The following VAMP4 variants were observed in gnomAD, a reference collection of about 807,000 sequenced individuals.
VAMP4 encodes the protein vesicle-associated membrane protein 4.
VAMP4 carries 19 observed loss-of-function variants against 23.5 expected under a neutral mutation model. The ratio of observed to expected loss-of-function variants is 0.81; its 90% CI spans 0.56 to 1.19. VAMP4 has a LOEUF of 1.19. VAMP4 is among the 50% of genes most tolerant of loss of function. VAMP4 has a pLI of 0.00. For missense variants in VAMP4, 145 were observed against 168.6 expected (o/e 0.86, Z 0.78); for synonymous variants, 31 against 51.0 (o/e 0.61, Z 1.67).
chr1:171,723,728 A>G (rs965120538), intron 3 of VAMP4, among the ~76,000 whole-genome samples: 2 of 152,210 alleles, frequency 1.3e-5, no homozygotes, highest in Non-Finnish European at 2.9e-5. Flanking sequence ...ATACATCCTC[A>G]GCTTACGAAG....
intron 4 of VAMP4, among the ~76,000 whole-genome samples, chr1:171,711,463 T>A: frequency 6.6e-6 from 1 of 151,918 alleles, no homozygotes; most frequent in East Asian, 1.9e-4. Flanking sequence ...AAGGAAAAAA[T>A]TGTTTTCTGT....
intron 3 of VAMP4, among the ~76,000 whole-genome samples, chr1:171,720,949 A>C (rs866803145): frequency 1.3e-5 from 2 of 152,142 alleles, no homozygotes; most frequent in Non-Finnish European, 2.9e-5. Flanking sequence ...ACAATGTTTT[A>C]AAAGAATAAT....
At chr1:171,714,629 G>A (rs945345502) in intron 4 of VAMP4, among the ~76,000 whole-genome samples, 13 of 152,094 alleles carry the variant, frequency 8.5e-5, no homozygotes, top group African/African-American at 2.9e-4. Context: ...AAAATTAGCC[G>A]AGCATGGTGG....
At chr1:171,711,318 A>T (rs1314423362) in intron 4 of VAMP4, among the ~76,000 whole-genome samples, 1 of 152,100 alleles carries the variant, frequency 6.6e-6, no homozygotes, top group African/African-American at 2.4e-5. Context: ...CCAAAATGGA[A>T]ATGTAGGGCA....
chr1:171,707,856 T>TA (rs918311968), intron 6 of VAMP4, among the ~76,000 whole-genome samples: 8 of 151,044 alleles, frequency 5.3e-5, no homozygotes, highest in Non-Finnish European at 7.4e-5. Flanking sequence ...TAGCAATGGT[T>TA]AAAAAAAAAG....
intron 5 of VAMP4, among the ~76,000 whole-genome samples, chr1:171,710,281 G>A (rs1214708185): frequency 6.6e-6 from 1 of 151,604 alleles, no homozygotes; most frequent in African/African-American, 2.4e-5. Flanking sequence ...CCAGGTATAG[G>A]TATAGGTATA....
rs1386179245 is a variant in VAMP4 at position 171,738,509 on chromosome 1, A to C, written c.-49-46T>G. The C allele has an allele frequency of 4.8e-6, 6 of 1,248,898 alleles. No individual in the cohort carries two copies. The Admixed American group carries it at 1.2e-4, about 25-fold the overall frequency. 77.4% of individuals were successfully genotyped at this position (1,248,898 alleles called of 1,614,324 possible). The stretch of plus-strand genomic sequence containing the variant: ...CATCAGATTTGAGACTTTGGGGCAT[A>C]AGCTAATGTACTTAAAACAGTGTAC... On this transcript the variant is annotated intron_variant, in intron 1 of 7. Transcript: ENST00000236192.
rs1391216720 is a variant in VAMP4, at chr1:171,703,423, GTGTA to G, written c.*1079_*1082del. 4.2e-3 allele frequency: 342 copies of G among 81,902 alleles called. 1 individual carries two copies. Among genetic ancestry groups the G allele is most frequent in the East Asian group, 0.028 (73 of 2,650 alleles). The allele number at this position is 81,902 out of a possible 1,614,324, so 5.1% of individuals were successfully genotyped here. A position where few individuals can be genotyped will look rare whatever the true frequency, so the allele number is the denominator to read the frequency against. Reference sequence around the variant, plus strand: ...TGTGTGTGTGTGTGTGTGTGTTTGTGTGTATATATATATATATATATATATATAT... The same window carrying G: ...TGTGTGTGTGTGTGTGTGTGTTTGTGTATATATATATATATATATATATAT... On this transcript the variant is annotated 3_prime_UTR_variant, in exon 8 of 8. Transcript: ENST00000236192.
intron 4 of VAMP4, among the ~76,000 whole-genome samples, chr1:171,714,644 C>A (rs903539889): frequency 1.3e-5 from 2 of 152,110 alleles, no homozygotes; most frequent in African/African-American, 4.8e-5. Context: ...TGGTGGTGTG[C>A]ACCTGTAGTC....
rs1654546579 is a variant in VAMP4 at position 171,703,590 on chromosome 1, T to C, written c.*916A>G. On this transcript the variant is annotated 3_prime_UTR_variant, in exon 8 of 8. Coordinates refer to ENST00000236192, the MANE Select transcript of VAMP4 (RefSeq NM_003762.5). The stretch of plus-strand genomic sequence containing the variant: ...AAAGATATAAAATTCAAAGTATTAA[T>C]AGATGGTTTTGCTACTTTTTGTACT... 1 of 151,582 alleles carries C rather than the reference T, an allele frequency of 6.6e-6. No individual in the cohort carries two copies. The highest frequency in any genetic ancestry group is 2.1e-4 in the South Asian group (1 of 4,802). 9.4% of individuals were successfully genotyped at this position (151,582 alleles called of 1,614,324 possible).
intron 3 of VAMP4, among the ~76,000 whole-genome samples, chr1:171,724,628 TTAAGA>T (rs1655308439): frequency 6.6e-6 from 1 of 152,156 alleles, no homozygotes. Flanking sequence ...CCAAATATTG[TTAAGA>T]TGTTAATTAT....
chr1:171,732,608 G>C (rs1655600380), intron 2 of VAMP4, among the ~76,000 whole-genome samples: 1 of 152,048 alleles, frequency 6.6e-6, no homozygotes, highest in Admixed American at 6.6e-5. Context: ...AAGGTGATTA[G>C]ACTATTTTGA....
intron 2 of VAMP4, among the ~76,000 whole-genome samples, chr1:171,733,104 T>C (rs1328805138): frequency 6.6e-6 from 1 of 151,996 alleles, no homozygotes; most frequent in Non-Finnish European, 1.5e-5. Flanking sequence ...TAAATAAATA[T>C]TTCTTGAGTA....
At chr1:171,723,275 T>C (rs1655259058) in intron 3 of VAMP4, among the ~76,000 whole-genome samples, 1 of 152,202 alleles carries the variant, frequency 6.6e-6, no homozygotes, top group Non-Finnish European at 1.5e-5. Context: ...CGCACTGTCA[T>C]TGATAACATC....
At chr1:171,716,047 A>G (rs1380483990) in intron 4 of VAMP4, among the ~76,000 whole-genome samples, 1 of 152,206 alleles carries the variant, frequency 6.6e-6, no homozygotes, top group Non-Finnish European at 1.5e-5. Context: ...ATTTATTTTC[A>G]TAGTTAATAT....
intron 2 of VAMP4, among the ~76,000 whole-genome samples, chr1:171,730,273 A>T (rs1288921181): frequency 6.6e-6 from 1 of 152,244 alleles, no homozygotes; most frequent in Non-Finnish European, 1.5e-5. Context: ...AAATTCCTCA[A>T]GGAATTACAC....
chr1:171,720,878 C>A (rs1164599626), intron 3 of VAMP4, among the ~76,000 whole-genome samples: 2 of 152,022 alleles, frequency 1.3e-5, no homozygotes, highest in African/African-American at 4.8e-5. Context: ...ATCAACCAAC[C>A]AATACCTCTA....
At chr1:171,705,400 A>G (rs1654617319) in intron 7 of VAMP4, among the ~76,000 whole-genome samples, 2 of 152,176 alleles carry the variant, frequency 1.3e-5, no homozygotes, top group Admixed American at 6.5e-5. Flanking sequence ...AACAAAAAGC[A>G]CAACAATGCA....
In VAMP4 at chr1:171,701,922, C is replaced by G. The variant is rs1411708083; in HGVS notation, c.*2584G>C. The G allele has an allele frequency of 6.6e-6, 1 of 152,032 alleles. No homozygotes were observed. Among genetic ancestry groups the G allele is most frequent in the Non-Finnish European group, 1.5e-5 (1 of 67,940 alleles). 9.4% of individuals were successfully genotyped at this position (152,032 alleles called of 1,614,324 possible). On this transcript the variant is annotated 3_prime_UTR_variant, in exon 8 of 8. Transcript: ENST00000236192. The stretch of plus-strand genomic sequence containing the variant: ...GGCTTCTGTAATTAAACATAAATCA[C>G]AAAGGTATGGATTCAGGCATCAAAA...
Sources: gnomAD v4.1 joint callset for allele counts (sites outside exome capture counted in the v4.1 genomes callset) on GRCh38, gnomAD v4.1.1 for gene constraint, MANE v1.5 for transcripts, NCBI Gene and HGNC (gene_info 2026-07-23, HGNC 2026-07-21) for gene names.